The following NUDT3 variants were observed in gnomAD, a reference collection of about 807,000 sequenced individuals.
The protein encoded by NUDT3 is diphosphoinositol polyphosphate phosphohydrolase 1.
A neutral mutation model predicts 23.6 loss-of-function variants in NUDT3; 9 were observed. That is an observed-to-expected ratio of 0.38 (90% CI 0.23 to 0.66). NUDT3 has a LOEUF of 0.66. NUDT3 is among the 30% of genes least tolerant of loss of function. The pLI, the probability that NUDT3 is intolerant of heterozygous loss-of-function variation, is 0.52. For synonymous variants in NUDT3, 86 were observed against 82.6 expected (o/e 1.04, Z -0.22); for missense variants, 172 against 218.5 (o/e 0.79, Z 1.34).
intron 2 of NUDT3, among the ~76,000 whole-genome samples, chr6:34,311,601 C>T (rs1203508743): frequency 6.6e-6 from 1 of 152,072 alleles, no homozygotes; most frequent in Non-Finnish European, 1.5e-5. Context: ...TAAGGAGATG[C>T]AAAAGCCCAG....
At chr6:34,350,700 A>T (rs1199503603) in intron 1 of NUDT3, among the ~76,000 whole-genome samples, 1 of 150,332 alleles carries the variant, frequency 6.7e-6, no homozygotes, top group African/African-American at 2.5e-5. Context: ...ATTTAAAACT[A>T]TTTTTTTTAG....
intron 1 of NUDT3, among the ~76,000 whole-genome samples, chr6:34,387,188 T>C (rs2113772432): frequency 6.6e-6 from 1 of 152,214 alleles, no homozygotes; most frequent in South Asian, 2.1e-4. Context: ...ATTACTGGTT[T>C]CTGTATTTAC....
At chr6:34,297,628 C>A (rs1205245710) in intron 2 of NUDT3, among the ~76,000 whole-genome samples, 3 of 147,756 alleles carry the variant, frequency 2.0e-5, no homozygotes, top group Non-Finnish European at 1.5e-5. Context: ...ACCTCCGTCT[C>A]CCAGGTTCAA....
intron 1 of NUDT3, among the ~76,000 whole-genome samples, chr6:34,383,250 C>T (rs1765052650): frequency 6.6e-6 from 1 of 151,836 alleles, no homozygotes; most frequent in Non-Finnish European, 1.5e-5. Context: ...TCTTACAAAA[C>T]ACATCAGAAA....
At chr6:34,375,086 C>A (rs76027482) in intron 1 of NUDT3, among the ~76,000 whole-genome samples, 3 of 152,190 alleles carry the variant, frequency 2.0e-5, no homozygotes. Flanking sequence ...GTGGCTCATG[C>A]CTGTAATCCC....
chr6:34,382,899 G>T (rs1313133956), intron 1 of NUDT3, among the ~76,000 whole-genome samples: 2 of 151,848 alleles, frequency 1.3e-5, no homozygotes, highest in African/African-American at 2.4e-5. Context: ...AGGCCGAGGA[G>T]GGTGGATCAC....
intron 1 of NUDT3, among the ~76,000 whole-genome samples, chr6:34,383,788 G>A (rs1765062099): frequency 6.6e-6 from 1 of 152,088 alleles, no homozygotes; most frequent in Admixed American, 6.5e-5. Context: ...ATTCAGACCA[G>A]AATTCACACC....
intron 2 of NUDT3, among the ~76,000 whole-genome samples, chr6:34,298,190 C>T (rs942901472): frequency 1.3e-5 from 2 of 151,858 alleles, no homozygotes; most frequent in African/African-American, 2.4e-5. Context: ...GGTGAAACCC[C>T]ATCTCTACAA....
intron 2 of NUDT3, among the ~76,000 whole-genome samples, chr6:34,332,684 C>A (rs551905566): frequency 4.2e-4 from 64 of 152,210 alleles, no homozygotes; most frequent in African/African-American, 1.5e-3. Flanking sequence ...AAATACTCTG[C>A]CACTTTATAT....
chr6:34,368,446 C>T (rs1387565164), intron 1 of NUDT3, among the ~76,000 whole-genome samples: 2 of 152,170 alleles, frequency 1.3e-5, no homozygotes, highest in East Asian at 3.9e-4. Flanking sequence ...CAGCAGCATA[C>T]AATCCCCTGG....
rs142500770 is a variant in NUDT3, at chr6:34,313,506, G to A, written c.211-17821C>T. 1.2e-3 allele frequency among the ~76,000 whole-genome samples: 184 copies of A among 152,216 alleles called. 1 individual carries two copies. In the East Asian group the frequency reaches 0.013, roughly 11 times the overall value. On this transcript the variant is annotated intron_variant, in intron 2 of 4. Coordinates refer to ENST00000607016, the MANE Select transcript of NUDT3 (RefSeq NM_006703.4). ...AACCTTATGAAAACGAGGGATTCGGGGTGATTATGATGTGTCAGTGTTGGT... is the reference window on the plus strand; with the variant it reads ...AACCTTATGAAAACGAGGGATTCGGAGTGATTATGATGTGTCAGTGTTGGT...
intron 1 of NUDT3, among the ~76,000 whole-genome samples, chr6:34,381,516 CA>C (rs1051089983): frequency 4.7e-5 from 7 of 150,282 alleles, no homozygotes; most frequent in South Asian, 4.2e-4. Context: ...ATTGAACCTA[CA>C]AAAAAAAACC....
chr6:34,348,279 C>T (rs1764411104), intron 1 of NUDT3, among the ~76,000 whole-genome samples: 1 of 151,896 alleles, frequency 6.6e-6, no homozygotes, highest in Admixed American at 6.6e-5. Context: ...GGAATGAAAC[C>T]CTGTCTCAAA....
chr6:34,288,982 A>T (rs1763376403), intron 4 of NUDT3, 51 bp from the exon 5 acceptor site: 2 of 1,508,672 alleles, frequency 1.3e-6, no homozygotes, highest in East Asian at 4.8e-5. Flanking sequence ...AAGGTTTCTG[A>T]GCCTAGAACT....
rs533055608 is a variant in NUDT3, at chr6:34,308,119, CAAAAAAAAAAAAAAAAAAAAAAAAAAAAA to C, written c.211-12463_211-12435del. 6.0e-3 allele frequency among the ~76,000 whole-genome samples: 363 copies of C among 60,106 alleles called. 2 individuals carry two copies. The highest frequency in any genetic ancestry group is 0.01 in the African/African-American group (142 of 13,684). The allele number at this position is 60,106 out of a possible 152,430, so 39.4% of individuals were successfully genotyped here. ...TGGGAGACACAGAGAAACTCTGTCT[CAAAAAAAAAAAAAAAAAAAAAAAAAAAAA>C]AAAAAAAAAAAAAAAAAAAAAGATA... On this transcript the variant is annotated intron_variant, in intron 2 of 4. Coordinates refer to ENST00000607016, the MANE Select transcript of NUDT3 (RefSeq NM_006703.4).
At chr6:34,371,890 C>G (rs1023042671) in intron 1 of NUDT3, among the ~76,000 whole-genome samples, 1 of 152,168 alleles carries the variant, frequency 6.6e-6, no homozygotes, top group Non-Finnish European at 1.5e-5. Flanking sequence ...TGCTATCCCT[C>G]CCCTAACCCC....
intron 1 of NUDT3, among the ~76,000 whole-genome samples, chr6:34,356,635 C>A (rs1764565084): frequency 6.6e-6 from 1 of 152,022 alleles, no homozygotes; most frequent in African/African-American, 2.4e-5. Context: ...GAAATAAAAA[C>A]AGAACTGGTA....
chr6:34,334,485 C>T (rs1764175788), intron 2 of NUDT3, among the ~76,000 whole-genome samples: 2 of 151,812 alleles, frequency 1.3e-5, no homozygotes, highest in East Asian at 1.9e-4. Flanking sequence ...ACTAAAAATA[C>T]GAAACTAGCC....
chr6:34,390,934 C>T (rs1305461965), intron 1 of NUDT3, among the ~76,000 whole-genome samples: 1 of 152,054 alleles, frequency 6.6e-6, no homozygotes, highest in Non-Finnish European at 1.5e-5. Context: ...ACAGCATGGC[C>T]CTGGTTAGCT....
Sources: allele counts gnomAD v4.1 joint callset (sites outside exome capture counted in the v4.1 genomes callset), GRCh38; gene constraint gnomAD v4.1.1; transcripts MANE v1.5; gene names NCBI Gene and HGNC (gene_info 2026-07-23, HGNC 2026-07-21).